GLCE: variants seen among roughly 807,000 people sequenced by gnomAD.
The protein encoded by GLCE is D-glucuronyl C5-epimerase.
GLCE carries 19 observed loss-of-function variants against 47.9 expected under a neutral mutation model. The ratio of observed to expected loss-of-function variants is 0.40; its 90% CI spans 0.28 to 0.58. The LOEUF is 0.58. Among genes scored for constraint, GLCE ranks in the 20% least tolerant of loss-of-function variants. The pLI is 0.48. For synonymous variants in GLCE, 245 were observed against 263.4 expected, an observed-to-expected ratio of 0.93 and a Z score of 0.68; for missense variants, 556 against 743.3, an observed-to-expected ratio of 0.75 and a Z score of 2.93.
intron 2 of GLCE, among the ~76,000 whole-genome samples, chr15:69,216,209 T>G (rs1237878098): frequency 6.6e-6 from 1 of 152,184 alleles, no homozygotes; most frequent in Non-Finnish European, 1.5e-5. Flanking sequence ...ATACTGCTAG[T>G]GCTGAAGATT....
intron 3 of GLCE, among the ~76,000 whole-genome samples, chr15:69,258,159 C>T (rs1409602176): frequency 5.3e-5 from 8 of 152,040 alleles, no homozygotes; most frequent in African/African-American, 1.9e-4. Flanking sequence ...ACCCTCTACC[C>T]TCCAGAGGCC....
intron 1 of GLCE, among the ~76,000 whole-genome samples, chr15:69,192,006 TTTC>T (rs1193387835): frequency 6.6e-6 from 1 of 152,184 alleles, no homozygotes; most frequent in Non-Finnish European, 1.5e-5. Flanking sequence ...CTTTAAATGT[TTTC>T]TTTATCATTA....
chr15:69,255,990 A>G lies in GLCE; in HGVS notation c.184A>G (p.Asn62Asp). Reference protein sequence around the residue: ...FEKRAAASESNNYMNHVAKQQ... With the variant: ...FEKRAAASESDNYMNHVAKQQ... ...AAAAAGAGCAGCAGCATCTGAGAGTAACAACTATATGAACCACGTGGCCAA... is the reference window on the plus strand; with the variant it reads ...AAAAAGAGCAGCAGCATCTGAGAGTGACAACTATATGAACCACGTGGCCAA... The change falls in exon 3 of 5, where the codon AAC becomes GAC. Residue 62 changes from asparagine (N) to aspartate (D), a missense_variant. Coordinates refer to ENST00000261858, the MANE Select transcript of GLCE (RefSeq NM_015554.3). The G allele has an allele frequency of 6.2e-7, 1 of 1,614,102 alleles. No homozygotes were observed. Among genetic ancestry groups the G allele is most frequent in the Non-Finnish European group, 8.5e-7 (1 of 1,180,008 alleles).
intron 2 of GLCE, among the ~76,000 whole-genome samples, chr15:69,249,763 T>G (rs540891153): frequency 6.6e-6 from 1 of 152,330 alleles, no homozygotes; most frequent in East Asian, 1.9e-4. Flanking sequence ...ATTTAGTGAA[T>G]TACTCTAATA....
Position 69,256,404 on chromosome 15 carries a change from TC to T in GLCE, c.586+13del. The T allele has an allele frequency of 6.5e-7, 1 of 1,539,932 alleles. No individual in the cohort carries two copies. Among genetic ancestry groups the T allele is most frequent in the Non-Finnish European group, 8.9e-7 (1 of 1,120,262 alleles). On this transcript the variant is annotated intron_variant, in intron 3 of 4. Coordinates refer to ENST00000261858, the MANE Select transcript of GLCE (RefSeq NM_015554.3). ...AAGTGGGGTTGAAGGTTGGTATCTG[TC>T]TGCTTCACTTGCATTTTTCAAGCAT...
intron 1 of GLCE, chr15:69,196,695 A>G (rs549239509): frequency 2.5e-4 from 40 of 159,748 alleles, no homozygotes; most frequent in Non-Finnish European, 5.1e-4. Context: ...GTTGCCGAGA[A>G]CTCAACATCA....
intron 2 of GLCE, among the ~76,000 whole-genome samples, chr15:69,227,189 G>A (rs528941720): frequency 1.3e-5 from 2 of 152,302 alleles, no homozygotes; most frequent in South Asian, 2.1e-4. Context: ...TAGACCATGT[G>A]TAAGAGAGAC....
chr15:69,252,697 T>C (rs1033667918), intron 2 of GLCE, among the ~76,000 whole-genome samples: 1 of 152,128 alleles, frequency 6.6e-6, no homozygotes, highest in Admixed American at 6.5e-5. Context: ...TATATTTCTA[T>C]ATTAGTTGGT....
intron 1 of GLCE, among the ~76,000 whole-genome samples, chr15:69,186,561 A>C (rs1200036533): frequency 6.6e-6 from 1 of 152,226 alleles, no homozygotes; most frequent in Non-Finnish European, 1.5e-5. Flanking sequence ...ATAACACAGA[A>C]GATTCTGATG....
At chr15:69,242,611 T>C (rs1251990518) in intron 2 of GLCE, among the ~76,000 whole-genome samples, 4 of 152,200 alleles carry the variant, frequency 2.6e-5, no homozygotes, top group South Asian at 2.1e-4. Flanking sequence ...ATTAATTTAG[T>C]GCTTTGATGC....
chr15:69,189,205 T>C (rs2051877723), intron 1 of GLCE, among the ~76,000 whole-genome samples: 1 of 152,186 alleles, frequency 6.6e-6, no homozygotes, highest in South Asian at 2.1e-4. Context: ...TACCTCCCAG[T>C]TAACCCCTGG....
intron 2 of GLCE, among the ~76,000 whole-genome samples, chr15:69,219,578 G>A (rs2140387142): frequency 6.6e-6 from 1 of 152,240 alleles, no homozygotes; most frequent in East Asian, 1.9e-4. Context: ...GGTGCAGCCA[G>A]AACTAGTTGT....
intron 1 of GLCE, among the ~76,000 whole-genome samples, chr15:69,162,927 T>G (rs962089589): frequency 3.9e-5 from 6 of 152,154 alleles, no homozygotes; most frequent in African/African-American, 1.4e-4. Flanking sequence ...TTTTTTCTGA[T>G]CTTAGAACCA....
chr15:69,245,210 G>A (rs564365681), intron 2 of GLCE, among the ~76,000 whole-genome samples: 1 of 151,716 alleles, frequency 6.6e-6, no homozygotes, highest in Admixed American at 6.6e-5. Flanking sequence ...GCATATGCCT[G>A]TAATCCCAGC....
At chr15:69,222,123 ACT>A (rs1443919596) in intron 2 of GLCE, among the ~76,000 whole-genome samples, 6 of 152,100 alleles carry the variant, frequency 3.9e-5, no homozygotes, top group Non-Finnish European at 8.8e-5. Context: ...GCATGCTCTA[ACT>A]CTGGGTGGCC....
chr15:69,192,093 G>A (rs1474696311), intron 1 of GLCE, among the ~76,000 whole-genome samples: 2 of 152,120 alleles, frequency 1.3e-5, no homozygotes, highest in African/African-American at 4.8e-5. Flanking sequence ...TGGGAACTGT[G>A]GGTTTGTAGT....
At chr15:69,217,815 A>G (rs1318473092) in intron 2 of GLCE, among the ~76,000 whole-genome samples, 1 of 152,216 alleles carries the variant, frequency 6.6e-6, no homozygotes, top group East Asian at 1.9e-4. Context: ...CAATTAGCCT[A>G]CAAAGGAGGC....
intron 1 of GLCE, among the ~76,000 whole-genome samples, chr15:69,192,940 TTGA>T (rs1473235155): frequency 3.9e-5 from 6 of 152,082 alleles, no homozygotes; most frequent in African/African-American, 4.8e-5. Context: ...TTTCTAAAGG[TTGA>T]TGTTTTATTT....
At chr15:69,257,727 T>G (rs1409448747) in intron 3 of GLCE, among the ~76,000 whole-genome samples, 1 of 152,030 alleles carries the variant, frequency 6.6e-6, no homozygotes, top group African/African-American at 2.4e-5. Context: ...ATTATTATTT[T>G]TATATATTCT....
Sources: gnomAD v4.1 joint callset for allele counts (sites outside exome capture counted in the v4.1 genomes callset) on GRCh38, gnomAD v4.1.1 for gene constraint, MANE v1.5 for transcripts, NCBI Gene and HGNC (gene_info 2026-07-23, HGNC 2026-07-21) for gene names.